The following UGT1A9 variants were observed in gnomAD, a reference collection of about 807,000 sequenced individuals.
The protein encoded by UGT1A9 is UDP-glucuronosyltransferase 1A9.
In UGT1A9, 35 loss-of-function variants were observed where a neutral mutation model predicts 45.0. The observed-to-expected ratio is 0.78, with a 90% CI of 0.59 to 1.03. UGT1A9 has a LOEUF of 1.03. Among genes scored for constraint, UGT1A9 ranks in the 50% least tolerant of loss-of-function variants. The probability of loss-of-function intolerance (pLI) is 0.00; values close to 1 mark genes in which losing one functional copy is unlikely to be tolerated. For missense variants in UGT1A9, 687 were observed against 666.6 expected, an observed-to-expected ratio of 1.03 and a Z score of -0.34; for synonymous variants, 278 against 250.6, an observed-to-expected ratio of 1.11 and a Z score of -1.03.
Position 233,672,870 on chromosome 2 carries a change from G to A in UGT1A9, c.855+81G>A. 4.6e-6 allele frequency: 7 copies of A among 1,518,468 alleles called. No individual in the cohort carries two copies. The South Asian group carries it at 8.2e-5, about 18-fold the overall frequency. The allele number at this position is 1,518,468 out of a possible 1,614,324, so 94.1% of individuals were successfully genotyped here. The stretch of plus-strand genomic sequence containing the variant: ...AGGATTCTTTACTGAACTGTGATTT[G>A]ACATTTTCATTTGTTTCATTTCAAA... On this transcript the variant is annotated intron_variant, in intron 1 of 4. Coordinates refer to ENST00000354728, the MANE Select transcript of UGT1A9 (RefSeq NM_021027.3).
In UGT1A9 at chr2:233,756,140, C is replaced by T. The variant is rs565288729; in HGVS notation, c.856-10894C>T. 16 of 152,332 alleles carry T rather than the reference C, an allele frequency of 1.1e-4. No homozygotes were observed. The East Asian group carries it at 1.3e-3, about 13-fold the overall frequency. 9.4% of individuals were successfully genotyped at this position (152,332 alleles called of 1,614,324 possible). On this transcript the variant is annotated intron_variant, in intron 1 of 4. Coordinates refer to ENST00000354728, the MANE Select transcript of UGT1A9 (RefSeq NM_021027.3). ...TTTGTAAAATTCTCCTGAAAAATTA[C>T]TGGGGATCCCTAGGATTTCCTGGCT...
rs547148364 is a variant in UGT1A9 at position 233,757,849 on chromosome 2, T to G, written c.856-9185T>G. 5.3e-5 allele frequency among the ~76,000 whole-genome samples: 8 copies of G among 152,118 alleles called. No individual in the cohort carries two copies. The East Asian group carries it at 1.5e-3, about 29-fold the overall frequency. On this transcript the variant is annotated intron_variant, in intron 1 of 4. Coordinates refer to ENST00000354728, the MANE Select transcript of UGT1A9 (RefSeq NM_021027.3). The stretch of plus-strand genomic sequence containing the variant: ...TGATGGTGGCCTACTAACTTATGTC[T>G]TCAGCTTAAAAAGAAAGTAGCTTCA...
At chr2:233,759,343 G>A (rs548174363) in intron 1 of UGT1A9, among the ~76,000 whole-genome samples, 89 of 152,214 alleles carry the variant, frequency 5.8e-4, no homozygotes, top group Non-Finnish European at 1.2e-3. Context: ...TCAGGTGAGC[G>A]CTGAAAATCT....
chr2:233,716,548 A>C (rs17864696), intron 1 of UGT1A9, among the ~76,000 whole-genome samples: 15,434 of 152,118 alleles, frequency 0.1, 897 homozygotes, highest in East Asian at 0.2. Context: ...CTCTCCTTAT[A>C]TTCCTTTTTT....
intron 1 of UGT1A9, among the ~76,000 whole-genome samples, chr2:233,727,881 A>G (rs2077662339): frequency 6.6e-6 from 1 of 152,168 alleles, no homozygotes; most frequent in Non-Finnish European, 1.5e-5. Context: ...CTCACCAGCA[A>G]TGGCAGACAC....
At chr2:233,695,071 T>G (rs1160759504) in intron 1 of UGT1A9, among the ~76,000 whole-genome samples, 1 of 152,202 alleles carries the variant, frequency 6.6e-6, no homozygotes, top group Non-Finnish European at 1.5e-5. Context: ...TATCGCACTT[T>G]GGACTTACTC....
intron 1 of UGT1A9, among the ~76,000 whole-genome samples, chr2:233,742,284 C>G (rs1006206335): frequency 6.6e-6 from 1 of 151,974 alleles, no homozygotes. Context: ...AGCATCATTT[C>G]TATAGATTAT....
chr2:233,678,880 C>A (rs2074431120), intron 1 of UGT1A9, among the ~76,000 whole-genome samples: 1 of 152,164 alleles, frequency 6.6e-6, no homozygotes, highest in African/African-American at 2.4e-5. Flanking sequence ...TTCATGACTT[C>A]CTTGATTGGC....
intron 1 of UGT1A9, chr2:233,754,743 C>A (rs1442095371): frequency 4.1e-6 from 3 of 727,770 alleles, no homozygotes; most frequent in Middle Eastern, 2.7e-4. Flanking sequence ...GTAGGACATG[C>A]AGAAGGAAGA....
At chr2:233,708,901 G>C (rs945780611) in intron 1 of UGT1A9, among the ~76,000 whole-genome samples, 1 of 152,086 alleles carries the variant, frequency 6.6e-6, no homozygotes, top group Admixed American at 6.6e-5. Context: ...GGGGCTATCT[G>C]GTTAGGTATT....
intron 1 of UGT1A9, among the ~76,000 whole-genome samples, chr2:233,720,256 G>C (rs1200370479): frequency 6.6e-6 from 1 of 152,186 alleles, no homozygotes; most frequent in East Asian, 1.9e-4. Flanking sequence ...AGTTTCCAGA[G>C]AGGGATCTGT....
intron 1 of UGT1A9, chr2:233,713,093 G>A (rs755118222): frequency 8.1e-6 from 13 of 1,614,096 alleles, no homozygotes; most frequent in Middle Eastern, 1.6e-4. Context: ...TGCTGGTGGT[G>A]CCCACTGATG....
intron 1 of UGT1A9, among the ~76,000 whole-genome samples, chr2:233,758,732 C>A (rs1469644124): frequency 2.0e-5 from 3 of 152,176 alleles, no homozygotes; most frequent in Non-Finnish European, 4.4e-5. Flanking sequence ...CTAAGCACAT[C>A]CCCAAGTATG....
chr2:233,719,338 G>T (rs546499527), intron 1 of UGT1A9: 33 of 1,613,808 alleles, frequency 2.0e-5, no homozygotes, highest in South Asian at 1.1e-4. Flanking sequence ...GTGTTTTTTT[G>T]GAGGTACATT....
At chr2:233,758,604 G>A (rs1575759841) in intron 1 of UGT1A9, among the ~76,000 whole-genome samples, 2 of 152,306 alleles carry the variant, frequency 1.3e-5, no homozygotes, top group East Asian at 3.9e-4. Context: ...AGGAGCTTCA[G>A]TGTGCATGTG....
intron 1 of UGT1A9, among the ~76,000 whole-genome samples, chr2:233,707,020 A>G (rs1443215716): frequency 6.6e-6 from 1 of 152,188 alleles, no homozygotes; most frequent in African/African-American, 2.4e-5. Flanking sequence ...ATCCATGGTC[A>G]GCCAGCCCCC....
At chr2:233,691,718 G>T in intron 1 of UGT1A9, 1 of 898,996 alleles carries the variant, frequency 1.1e-6, no homozygotes, top group South Asian at 5.1e-5. Context: ...CTGGCAGATG[G>T]GTGGCTGGGC....
At chr2:233,741,369 G>A (rs190389633) in intron 1 of UGT1A9, among the ~76,000 whole-genome samples, 1 of 151,798 alleles carries the variant, frequency 6.6e-6, no homozygotes, top group East Asian at 1.9e-4. Context: ...CAATGAAACT[G>A]CCCATGCCTT....
rs923296681 is a variant in UGT1A9 at position 233,722,920 on chromosome 2, C to A, written c.856-44114C>A. 6.3e-5 allele frequency among the ~76,000 whole-genome samples: 8 copies of A among 127,544 alleles called. No individual in the cohort carries two copies. In the East Asian group the frequency reaches 2.1e-3, roughly 34 times the overall value. 83.7% of individuals were successfully genotyped at this position (127,544 alleles called of 152,430 possible). On this transcript the variant is annotated intron_variant, in intron 1 of 4. Coordinates refer to ENST00000354728, the MANE Select transcript of UGT1A9 (RefSeq NM_021027.3). The stretch of plus-strand genomic sequence containing the variant: ...AGTGGATCATCATAAAGGTCTTCAT[C>A]CTCATTGTCTCCATGCTGAGTGGGC...
Sources: gnomAD v4.1 joint callset for allele counts (sites outside exome capture counted in the v4.1 genomes callset) on GRCh38, gnomAD v4.1.1 for gene constraint, MANE v1.5 for transcripts, NCBI Gene and HGNC (gene_info 2026-07-23, HGNC 2026-07-21) for gene names.